AP2B1: variants seen among roughly 807,000 people sequenced by gnomAD.
AP2B1 encodes adaptor related protein complex 2 subunit beta 1.
Under a neutral mutation model 102.0 loss-of-function variants are expected in AP2B1, and 23 were observed. The ratio of observed to expected loss-of-function variants is 0.23; its 90% confidence interval spans 0.16 to 0.32. The LOEUF is 0.32. AP2B1 is among the 10% of genes least tolerant of loss of function. AP2B1 has a pLI of 1.00. For missense variants in AP2B1, 541 were observed against 1,157.4 expected (o/e 0.47, Z 7.73); for synonymous variants, 381 against 421.2 (o/e 0.90, Z 1.17).
At chr17:35,678,237 T>G (rs1020868166) in intron 17 of AP2B1, among the ~76,000 whole-genome samples, 9 of 152,210 alleles carry the variant, frequency 5.9e-5, no homozygotes, top group Non-Finnish European at 1.3e-4. Context: ...ATATTGAACT[T>G]GTTTCCTTCA....
At chr17:35,682,059 A>G (rs2075832493) in intron 17 of AP2B1, among the ~76,000 whole-genome samples, 1 of 152,140 alleles carries the variant, frequency 6.6e-6, no homozygotes, top group South Asian at 2.1e-4. Flanking sequence ...GTTCGAGACC[A>G]GCCTGGCCAA....
intron 3 of AP2B1, chr17:35,601,136 T>C: frequency 3.3e-6 from 1 of 302,362 alleles, no homozygotes; most frequent in Admixed American, 6.5e-5. Context: ...AAAATTGAGT[T>C]TGGTAGGTAG....
chr17:35,604,152 G>A (rs571130085), intron 3 of AP2B1, among the ~76,000 whole-genome samples: 1 of 151,748 alleles, frequency 6.6e-6, no homozygotes, highest in African/African-American at 2.4e-5. Flanking sequence ...CTGTTCCTCA[G>A]GCTGGTGTGC....
At chr17:35,620,042 T>A (rs1468952586) in intron 5 of AP2B1, among the ~76,000 whole-genome samples, 1 of 152,162 alleles carries the variant, frequency 6.6e-6, no homozygotes, top group African/African-American at 2.4e-5. Context: ...TGTTTCAGCC[T>A]CCCAAAGTGC....
intron 16 of AP2B1, 57 bp downstream of exon 16, chr17:35,671,957 C>G (rs754591145): frequency 6.4e-7 from 1 of 1,569,782 alleles, no homozygotes; most frequent in Non-Finnish European, 8.7e-7. Context: ...CAAACTGTTT[C>G]ACTTTCAACA....
At chr17:35,691,227 A>AT (rs2076034860) in intron 18 of AP2B1, among the ~76,000 whole-genome samples, 1 of 152,194 alleles carries the variant, frequency 6.6e-6, no homozygotes, top group Admixed American at 6.5e-5. Flanking sequence ...TCATGTCTTA[A>AT]GATCATTGTC....
intron 18 of AP2B1, among the ~76,000 whole-genome samples, chr17:35,696,515 G>A (rs1323635200): frequency 2.0e-5 from 3 of 148,988 alleles, no homozygotes; most frequent in Non-Finnish European, 3.0e-5. Context: ...TCAGCCTCCC[G>A]AGTAGCTGAT....
chr17:35,687,999 T>C (rs973706627), intron 18 of AP2B1, among the ~76,000 whole-genome samples: 18 of 152,252 alleles, frequency 1.2e-4, no homozygotes, highest in African/African-American at 3.6e-4. Flanking sequence ...CCAAATTCCA[T>C]TGAGATCAGA....
chr17:35,621,942 G>T (rs2074190955), intron 5 of AP2B1, among the ~76,000 whole-genome samples: 1 of 152,068 alleles, frequency 6.6e-6, no homozygotes, highest in African/African-American at 2.4e-5. Flanking sequence ...CCAAGACTGG[G>T]CATGTGTTGG....
chr17:35,635,363 A>G (rs1413221095), intron 9 of AP2B1, among the ~76,000 whole-genome samples: 1 of 151,386 alleles, frequency 6.6e-6, no homozygotes, highest in Non-Finnish European at 1.5e-5. Flanking sequence ...CCATAATGGT[A>G]GTTTTTTGTT....
chr17:35,672,389 A>G (rs932300678), intron 16 of AP2B1, among the ~76,000 whole-genome samples: 2 of 152,120 alleles, frequency 1.3e-5, no homozygotes, highest in African/African-American at 4.8e-5. Flanking sequence ...TCTTGTCTTA[A>G]CCTTACTTGA....
chr17:35,699,098 A>G (rs2076193001), intron 18 of AP2B1, among the ~76,000 whole-genome samples: 1 of 152,204 alleles, frequency 6.6e-6, no homozygotes, highest in South Asian at 2.1e-4. Flanking sequence ...ATAGTATTTC[A>G]GTTTCAGTGT....
chr17:35,722,853 G>C (rs2085443135), intron 21 of AP2B1, among the ~76,000 whole-genome samples: 1 of 152,028 alleles, frequency 6.6e-6, no homozygotes, highest in African/African-American at 2.4e-5. Context: ...TTCTAAATCT[G>C]GGTTTAAATT....
At chr17:35,670,724 G>A in intron 14 of AP2B1, 133 bp from the exon 15 acceptor site, 1 of 873,054 alleles carries the variant, frequency 1.1e-6, no homozygotes, top group South Asian at 1.5e-5. Context: ...ATTTTTTTAG[G>A]CTTTGGGAGA....
intron 14 of AP2B1, among the ~76,000 whole-genome samples, chr17:35,670,544 A>G (rs984719375): frequency 2.6e-5 from 4 of 152,150 alleles, no homozygotes; most frequent in African/African-American, 9.7e-5. Context: ...AGAATATGCA[A>G]ACTCTTTAAA....
chr17:35,650,010 C>T (rs546626252), intron 12 of AP2B1, among the ~76,000 whole-genome samples: 9 of 151,798 alleles, frequency 5.9e-5, no homozygotes, highest in East Asian at 2.0e-4. Flanking sequence ...AGTGCAGTAG[C>T]GTGATCTCGG....
chr17:35,720,573 A>ATATGTATATATTTT (rs1324333805), intron 21 of AP2B1, among the ~76,000 whole-genome samples: 1 of 28,074 alleles, frequency 3.6e-5, no homozygotes, highest in Non-Finnish European at 6.2e-5. Flanking sequence ...ATATATATAT[A>ATATGTATATATTTT]TTTTTTTTTT....
At chr17:35,608,855 A>G (rs957146252) in intron 5 of AP2B1, among the ~76,000 whole-genome samples, 3 of 152,204 alleles carry the variant, frequency 2.0e-5, no homozygotes, top group African/African-American at 7.2e-5. Context: ...TATGTTGTAA[A>G]TGTTTAGCAG....
chr17:35,596,663 C>T (rs1449014876), intron 2 of AP2B1, among the ~76,000 whole-genome samples: 2 of 152,038 alleles, frequency 1.3e-5, no homozygotes, highest in African/African-American at 2.4e-5. Context: ...CCGCGGAGGC[C>T]GCCCCGTCGC....
Sources: gnomAD v4.1 joint callset for allele counts (sites outside exome capture counted in the v4.1 genomes callset) on GRCh38, gnomAD v4.1.1 for gene constraint, MANE v1.5 for transcripts, NCBI Gene and HGNC (gene_info 2026-07-23, HGNC 2026-07-21) for gene names.